ENPP6: variants seen among roughly 807,000 people sequenced by gnomAD.
The protein encoded by ENPP6 is ectonucleotide pyrophosphatase/phosphodiesterase 6.
A neutral mutation model predicts 42.0 loss-of-function variants in ENPP6; 32 were observed. That is an observed-to-expected ratio of 0.76 (90% CI 0.58 to 1.02). The LOEUF is 1.02. ENPP6 is among the 50% of genes least tolerant of loss of function. The probability of loss-of-function intolerance (pLI) is 0.00; values close to 1 mark genes in which losing one functional copy is unlikely to be tolerated. For synonymous variants in ENPP6, 213 were observed against 216.0 expected (o/e 0.99, Z 0.12); for missense variants, 552 against 566.8 (o/e 0.97, Z 0.27).
At chr4:184,134,108 T>C (rs1736688460) in intron 2 of ENPP6, among the ~76,000 whole-genome samples, 1 of 148,846 alleles carries the variant, frequency 6.7e-6, no homozygotes, top group Non-Finnish European at 1.5e-5. Flanking sequence ...GTATCAAGAT[T>C]ACACTAACCT....
intron 1 of ENPP6, among the ~76,000 whole-genome samples, chr4:184,172,463 A>C (rs1241617147): frequency 6.6e-6 from 1 of 152,076 alleles, no homozygotes; most frequent in Non-Finnish European, 1.5e-5. Flanking sequence ...GGTTGAGGTG[A>C]CTTTGGCAGA....
intron 1 of ENPP6, among the ~76,000 whole-genome samples, chr4:184,165,411 T>C (rs1737331999): frequency 6.6e-6 from 1 of 152,178 alleles, no homozygotes; most frequent in Non-Finnish European, 1.5e-5. Context: ...GGTCTCTGAC[T>C]CAGCGTCCGC....
At chr4:184,143,770 G>A (rs556507197) in intron 2 of ENPP6, among the ~76,000 whole-genome samples, 3 of 152,196 alleles carry the variant, frequency 2.0e-5, no homozygotes, top group Admixed American at 1.3e-4. Context: ...TGCGCGCCTC[G>A]CAGTGAGTGA....
At position 184,090,057 on chromosome 4, in the gene ENPP6, CA is replaced by C. The variant is rs1288025302; in HGVS notation, c.*1119del. 1.3e-5 allele frequency: 2 copies of C among 152,238 alleles called. No individual in the cohort carries two copies. The highest frequency in any genetic ancestry group is 2.9e-5 in the Non-Finnish European group (2 of 68,066). The allele number at this position is 152,238 out of a possible 1,614,324, so 9.4% of individuals were successfully genotyped here. ...GTCAGTGACTGGGACTCTGCTCCAT[CA>C]TGCTCTCTCCATTCTCCACCCAGCA... On this transcript the variant is annotated 3_prime_UTR_variant, in exon 8 of 8. Transcript: ENST00000296741.
intron 1 of ENPP6, among the ~76,000 whole-genome samples, chr4:184,183,996 C>T (rs1301990868): frequency 2.0e-5 from 3 of 152,122 alleles, no homozygotes; most frequent in Non-Finnish European, 1.5e-5. Flanking sequence ...GTGCTCAGGG[C>T]GATCCTGGAA....
intron 1 of ENPP6, among the ~76,000 whole-genome samples, chr4:184,174,737 T>G (rs1049477918): frequency 1.9e-4 from 12 of 62,098 alleles, no homozygotes; most frequent in Admixed American, 3.7e-4. Flanking sequence ...GTACTTGAGT[T>G]TGATGGCCCA....
chr4:184,137,228 C>G (rs1736743169), intron 2 of ENPP6, among the ~76,000 whole-genome samples: 1 of 152,204 alleles, frequency 6.6e-6, no homozygotes, highest in Non-Finnish European at 1.5e-5. Flanking sequence ...TCCTGAGTAG[C>G]TGGGACTACA....
chr4:184,122,720 A>C (rs962963479), intron 3 of ENPP6, among the ~76,000 whole-genome samples: 1 of 152,194 alleles, frequency 6.6e-6, no homozygotes, highest in African/African-American at 2.4e-5. Flanking sequence ...TGAATGCAAA[A>C]AGGATGACAT....
chr4:184,148,408 T>C (rs995198083), intron 2 of ENPP6, among the ~76,000 whole-genome samples: 2 of 152,184 alleles, frequency 1.3e-5, no homozygotes, highest in South Asian at 2.1e-4. Context: ...CAAAGGGAGA[T>C]TGGATGTGGT....
chr4:184,131,445 T>C (rs181668531), intron 2 of ENPP6, among the ~76,000 whole-genome samples: 20 of 151,220 alleles, frequency 1.3e-4, no homozygotes, highest in Admixed American at 3.3e-4. Flanking sequence ...TCTCTGCTCC[T>C]GGGTTCAAGC....
chr4:184,138,775 C>T (rs959481098), intron 2 of ENPP6, among the ~76,000 whole-genome samples: 1 of 152,166 alleles, frequency 6.6e-6, no homozygotes, highest in Non-Finnish European at 1.5e-5. Flanking sequence ...ATCCTGGAAG[C>T]AACTGGGCCC....
Position 184,095,123 on chromosome 4 carries a change from C to T in ENPP6, c.1117+2122G>A, listed in dbSNP as rs945483242. ...ACTGGAGCCAGAACGTGATGGTTTG[C>T]GGGAGGCTCTCCACGCTGTATCTGC... On this transcript the variant is annotated intron_variant, in intron 7 of 7. Transcript: ENST00000296741. Among the ~76,000 whole-genome samples the T allele has an allele frequency of 2.6e-5, 4 of 152,272 alleles. 1 individual carries two copies. Among genetic ancestry groups the T allele is most frequent in the Non-Finnish European group, 4.4e-5 (3 of 68,024 alleles).
At chr4:184,205,283 G>A (rs1440159733) in intron 1 of ENPP6, among the ~76,000 whole-genome samples, 4 of 152,202 alleles carry the variant, frequency 2.6e-5, no homozygotes, top group African/African-American at 7.2e-5. Context: ...ATCTGGTGCC[G>A]TGATGGAAAA....
At chr4:184,190,520 C>G (rs1230806574) in intron 1 of ENPP6, among the ~76,000 whole-genome samples, 2 of 152,092 alleles carry the variant, frequency 1.3e-5, no homozygotes, top group Non-Finnish European at 2.9e-5. Context: ...AATTTCTTTT[C>G]TGTTTGGAGT....
intron 3 of ENPP6, among the ~76,000 whole-genome samples, chr4:184,118,126 G>T (rs947070385): frequency 1.3e-5 from 2 of 152,226 alleles, no homozygotes; most frequent in African/African-American, 4.8e-5. Context: ...TTTGAACATA[G>T]AATTCGCAGT....
chr4:184,190,680 T>G (rs886186529), intron 1 of ENPP6, among the ~76,000 whole-genome samples: 1 of 152,134 alleles, frequency 6.6e-6, no homozygotes, highest in Non-Finnish European at 1.5e-5. Flanking sequence ...TTGAGTGGGA[T>G]GTAGGGTGAG....
chr4:184,206,155 G>A (rs377010818), intron 1 of ENPP6, among the ~76,000 whole-genome samples: 3 of 152,104 alleles, frequency 2.0e-5, no homozygotes, highest in African/African-American at 4.8e-5. Context: ...CTAATCCTGG[G>A]GGAAGGAGGG....
chr4:184,183,521 TCA>T (rs1732588123), intron 1 of ENPP6, among the ~76,000 whole-genome samples: 1 of 114,672 alleles, frequency 8.7e-6, no homozygotes, highest in Non-Finnish European at 1.8e-5. Flanking sequence ...ACACACACAT[TCA>T]CACACACACA....
chr4:184,117,948 C>G, intron 3 of ENPP6, 48 bp from the exon 4 acceptor site: 1 of 1,591,838 alleles, frequency 6.3e-7, no homozygotes, highest in Non-Finnish European at 8.6e-7. Context: ...CCCCCGCCAG[C>G]TTGCTCCCTT....
Sources: allele counts gnomAD v4.1 joint callset (sites outside exome capture counted in the v4.1 genomes callset), GRCh38; gene constraint gnomAD v4.1.1; transcripts MANE v1.5; gene names NCBI Gene and HGNC (gene_info 2026-07-23, HGNC 2026-07-21).